The following DSE variants were observed in gnomAD, a reference collection of about 807,000 sequenced individuals.
The protein encoded by DSE is dermatan-sulfate epimerase.
DSE carries 36 observed loss-of-function variants against 84.4 expected under a neutral mutation model. The ratio of observed to expected loss-of-function variants is 0.43; its 90% confidence interval spans 0.33 to 0.56. DSE has a LOEUF of 0.56. DSE is among the 20% of genes least tolerant of loss of function. DSE has a pLI of 0.06. For synonymous variants in DSE, 410 were observed against 430.1 expected (o/e 0.95, Z 0.58); for missense variants, 862 against 1,169.6 (o/e 0.74, Z 3.84).
rs767499670 is a variant in DSE at position 116,439,319 on chromosome 6, G to A, written c.*1974G>A. The A allele has an allele frequency of 6.6e-6, 1 of 152,118 alleles. No individual in the cohort carries two copies. The highest frequency in any genetic ancestry group is 1.5e-5 in the Non-Finnish European group (1 of 67,996). The allele number at this position is 152,118 out of a possible 1,614,324, so 9.4% of individuals were successfully genotyped here. A position where few individuals can be genotyped will look rare whatever the true frequency, so the allele number is the denominator to read the frequency against. On this transcript the variant is annotated 3_prime_UTR_variant, in exon 6 of 6. Coordinates refer to ENST00000644252, the MANE Select transcript of DSE (RefSeq NM_013352.4). ...TTTCTTTTGTTTTCATTAGGTTAAG[G>A]CTTGACAATACGTTAGTCGCCACAG...
intron 2 of DSE, chr6:116,278,351 G>A: frequency 2.5e-6 from 2 of 798,786 alleles, no homozygotes; most frequent in Non-Finnish European, 2.0e-6. Flanking sequence ...ACCCACCACC[G>A]TCTCAATCTT....
rs187653720 is a variant in DSE at position 116,286,406 on chromosome 6, G to A, written c.-54+27439G>A. ...CCACAAGCATATTAATATAATATTT[G>A]TAAGGAAAGTACCCAATTATTTTCT... On this transcript the variant is annotated intron_variant, in intron 2 of 3. Transcript: ENST00000430252. 5.9e-3 allele frequency among the ~76,000 whole-genome samples: 895 copies of A among 152,082 alleles called. 9 individuals carry two copies. The highest frequency in any genetic ancestry group is 0.02 in the African/African-American group (836 of 41,514).
chr6:116,318,403 G>A (rs1214893996), intron 2 of DSE, among the ~76,000 whole-genome samples: 1 of 152,180 alleles, frequency 6.6e-6, no homozygotes, highest in Non-Finnish European at 1.5e-5. Flanking sequence ...CTACTTGGGA[G>A]GCTGAGGCAG....
At chr6:116,261,508 A>C (rs999644000) in intron 2 of DSE, among the ~76,000 whole-genome samples, 1 of 152,148 alleles carries the variant, frequency 6.6e-6, no homozygotes, top group South Asian at 2.1e-4. Flanking sequence ...TTAAGGGCTG[A>C]GACTATGGGG....
chr6:116,302,774 G>A (rs1315937241), intron 2 of DSE, among the ~76,000 whole-genome samples: 1 of 152,076 alleles, frequency 6.6e-6, no homozygotes, highest in East Asian at 1.9e-4. Flanking sequence ...TATGGTTTTA[G>A]GTATTATGTT....
chr6:116,435,202 G>A (rs1258884436), intron 5 of DSE, among the ~76,000 whole-genome samples: 2 of 152,170 alleles, frequency 1.3e-5, no homozygotes, highest in African/African-American at 2.4e-5. Flanking sequence ...GCTTGTTAGA[G>A]TCCAGATTCT....
chr6:116,299,305 G>C (rs1774848363), intron 2 of DSE, among the ~76,000 whole-genome samples: 1 of 151,138 alleles, frequency 6.6e-6, no homozygotes, highest in Non-Finnish European at 1.5e-5. Flanking sequence ...TAAAATTTTG[G>C]GAAAAAAGAG....
At chr6:116,323,373 A>G (rs1296407507) in intron 2 of DSE, among the ~76,000 whole-genome samples, 1 of 152,210 alleles carries the variant, frequency 6.6e-6, no homozygotes, top group Non-Finnish European at 1.5e-5. Context: ...GCTAATAATT[A>G]ATTTGGATTT....
chr6:116,258,335 G>A (rs1159353766), intron 1 of DSE: 10 of 536,874 alleles, frequency 1.9e-5, no homozygotes, highest in Non-Finnish European at 3.0e-5. Context: ...TTTTTATAAC[G>A]TGCTTTATAA....
At chr6:116,284,793 G>A (rs888582984) in intron 2 of DSE, among the ~76,000 whole-genome samples, 3 of 151,636 alleles carry the variant, frequency 2.0e-5, no homozygotes, top group African/African-American at 7.3e-5. Flanking sequence ...CCTTGCAATA[G>A]TTTGCTCAGA....
intron 2 of DSE, among the ~76,000 whole-genome samples, chr6:116,320,204 G>A (rs1776218291): frequency 1.3e-5 from 2 of 152,100 alleles, no homozygotes; most frequent in South Asian, 4.1e-4. Context: ...CCAATACCAG[G>A]ATTGCTTATA....
chr6:116,365,410 C>T (rs905132200), upstream of DSE, among the ~76,000 whole-genome samples: 8 of 152,088 alleles, frequency 5.3e-5, no homozygotes, highest in Admixed American at 6.6e-5. Flanking sequence ...CCCACCACCA[C>T]GCCTGGCTAA....
chr6:116,431,031 G>T lies in DSE; in HGVS notation c.748G>T (p.Val250Leu). The T allele has an allele frequency of 1.2e-6, 2 of 1,614,114 alleles. No individual in the cohort carries two copies. The highest frequency in any genetic ancestry group is 1.7e-6 in the Non-Finnish European group (2 of 1,180,008). Residue 250 changes from valine to leucine, a missense_variant, in exon 4 of 6, where the codon GTG (valine) becomes TTG (leucine). Val to Leu is a conservative substitution (Grantham distance 32, BLOSUM62 1). Transcript: ENST00000644252. ...GAAATCTCTGGTCTTGCTCAGGGAG[G>T]TGACGGATGGCTCCCTCTATGAAGG... ...MEKSLVLLREVTDGSLYEGVA... is the reference protein window; with the variant it reads ...MEKSLVLLRELTDGSLYEGVA...
intron 1 of DSE, among the ~76,000 whole-genome samples, chr6:116,258,049 C>T (rs1003337521): frequency 4.6e-5 from 7 of 152,190 alleles, no homozygotes; most frequent in Non-Finnish European, 7.3e-5. Flanking sequence ...TGGAGTCTCG[C>T]TCTGTCACAG....
At chr6:116,382,429 T>A (rs1047422084) in intron 1 of DSE, among the ~76,000 whole-genome samples, 4 of 152,162 alleles carry the variant, frequency 2.6e-5, no homozygotes, top group African/African-American at 7.2e-5. Context: ...GTAGCCACAT[T>A]AATGGACATT....
intron 2 of DSE, among the ~76,000 whole-genome samples, chr6:116,333,496 C>G (rs1357982902): frequency 6.6e-6 from 1 of 152,156 alleles, no homozygotes; most frequent in Non-Finnish European, 1.5e-5. Context: ...TTGTAAACTC[C>G]CCATCTCCCA....
intron 2 of DSE, among the ~76,000 whole-genome samples, chr6:116,331,599 T>C (rs1776939687): frequency 6.6e-6 from 1 of 152,162 alleles, no homozygotes; most frequent in African/African-American, 2.4e-5. Context: ...ATATCAATAG[T>C]TACCAACATT....
At chr6:116,335,057 A>G (rs1387728438) in intron 2 of DSE, among the ~76,000 whole-genome samples, 2 of 152,232 alleles carry the variant, frequency 1.3e-5, no homozygotes, top group Non-Finnish European at 2.9e-5. Context: ...TCACTCTGTT[A>G]CAAAGACACA....
intron 2 of DSE, among the ~76,000 whole-genome samples, chr6:116,321,769 C>T (rs1160945268): frequency 6.6e-6 from 1 of 152,064 alleles, no homozygotes; most frequent in African/African-American, 2.4e-5. Context: ...TGTGAGACTC[C>T]ATCTCAAAAT....
Sources: allele counts gnomAD v4.1 joint callset (sites outside exome capture counted in the v4.1 genomes callset), GRCh38; gene constraint gnomAD v4.1.1; transcripts MANE v1.5; gene names NCBI Gene and HGNC (gene_info 2026-07-23, HGNC 2026-07-21).